Variants in NEGR1 observed in about 807,000 individuals in gnomAD.
The protein encoded by NEGR1 is IgLON family member 4.
In NEGR1, 10 loss-of-function variants were observed where a neutral mutation model predicts 40.9. That is an observed-to-expected ratio of 0.24 (90% confidence interval 0.15 to 0.42). NEGR1 has a LOEUF of 0.42. NEGR1 is among the 10% of genes least tolerant of loss of function. The pLI is 1.00. For missense variants in NEGR1, 352 were observed against 438.9 expected (o/e 0.80, Z 1.77); for synonymous variants, 185 against 166.8 (o/e 1.11, Z -0.84).
At chr1:71,606,980 A>G (rs1482031252) in intron 5 of NEGR1, among the ~76,000 whole-genome samples, 1 of 152,178 alleles carries the variant, frequency 6.6e-6, no homozygotes, top group Non-Finnish European at 1.5e-5. Flanking sequence ...GCTGGCTTTG[A>G]AGATCTTGAT....
At chr1:72,183,368 C>T (rs1023106374) in intron 1 of NEGR1, among the ~76,000 whole-genome samples, 1 of 152,080 alleles carries the variant, frequency 6.6e-6, no homozygotes, top group African/African-American at 2.4e-5. Context: ...AACTTCCTAT[C>T]AGCCAGGCAA....
chr1:71,537,381 C>T (rs927745006), intron 6 of NEGR1, among the ~76,000 whole-genome samples: 6 of 151,602 alleles, frequency 4.0e-5, no homozygotes, highest in African/African-American at 1.2e-4. Context: ...GGGGACATTC[C>T]TATGCAAGGG....
chr1:71,859,138 C>T (rs1483336689), intron 2 of NEGR1, among the ~76,000 whole-genome samples: 1 of 152,070 alleles, frequency 6.6e-6, no homozygotes, highest in African/African-American at 2.4e-5. Flanking sequence ...GCCTGCAAGG[C>T]CCTGTATGAC....
chr1:71,867,604 T>G (rs1660156340), intron 2 of NEGR1, among the ~76,000 whole-genome samples: 1 of 152,210 alleles, frequency 6.6e-6, no homozygotes, highest in South Asian at 2.1e-4. Flanking sequence ...CAACTAAGAC[T>G]GTTATGATTA....
At chr1:71,745,761 C>T (rs1027147334) in intron 3 of NEGR1, among the ~76,000 whole-genome samples, 10 of 152,206 alleles carry the variant, frequency 6.6e-5, no homozygotes, top group Admixed American at 2.6e-4. Context: ...CTAGCCTGGG[C>T]GACAGAGCAA....
chr1:71,791,890 T>C (rs933227802), intron 2 of NEGR1, among the ~76,000 whole-genome samples: 2 of 152,002 alleles, frequency 1.3e-5, no homozygotes, highest in Admixed American at 6.6e-5. Flanking sequence ...ATGGAACAAA[T>C]TTGGACTTGG....
chr1:71,747,084 TA>T (rs1179295794), intron 3 of NEGR1, among the ~76,000 whole-genome samples: 1 of 152,210 alleles, frequency 6.6e-6, no homozygotes, highest in East Asian at 1.9e-4. Context: ...GAGGCTATCT[TA>T]CTTATGACTA....
At chr1:71,413,342 C>G (rs1160022928) in intron 6 of NEGR1, among the ~76,000 whole-genome samples, 1 of 152,154 alleles carries the variant, frequency 6.6e-6, no homozygotes, top group East Asian at 1.9e-4. Context: ...AGAAATGGTT[C>G]CTGTTCCCAC....
intron 2 of NEGR1, among the ~76,000 whole-genome samples, chr1:71,881,344 T>C (rs1203216319): frequency 6.6e-6 from 1 of 152,102 alleles, no homozygotes. Context: ...GATAGGTTTT[T>C]CCTTATGTAC....
intron 6 of NEGR1, among the ~76,000 whole-genome samples, chr1:71,456,891 G>T (rs1032735324): frequency 1.3e-5 from 2 of 152,308 alleles, no homozygotes; most frequent in East Asian, 3.9e-4. Flanking sequence ...TTTGAGTCCA[G>T]TTGGGTGAAA....
intron 6 of NEGR1, among the ~76,000 whole-genome samples, chr1:71,520,729 A>G (rs993078129): frequency 1.3e-5 from 2 of 152,052 alleles, no homozygotes; most frequent in African/African-American, 4.8e-5. Flanking sequence ...CTTGTGTAAA[A>G]GCATGTAAAA....
chr1:71,691,899 G>T (rs1653296368), intron 4 of NEGR1, among the ~76,000 whole-genome samples: 1 of 148,600 alleles, frequency 6.7e-6, no homozygotes, highest in Non-Finnish European at 1.5e-5. Flanking sequence ...TTAGAAATCT[G>T]TTGAATTCAA....
rs781390775 is a variant in NEGR1 at position 71,636,827 on chromosome 1, C to T, written c.668-25681G>A. 1.8e-4 allele frequency among the ~76,000 whole-genome samples: 28 copies of T among 151,876 alleles called. 1 individual carries two copies. Among genetic ancestry groups the T allele is most frequent in the South Asian group, 6.2e-4 (3 of 4,828 alleles). ...CTTAGCAACAAGCTAGATAGTGGTTCGAAATGTTCTTGGAGGTCCTTAGAG... is the reference window on the plus strand; with the variant it reads ...CTTAGCAACAAGCTAGATAGTGGTTTGAAATGTTCTTGGAGGTCCTTAGAG... On this transcript the variant is annotated intron_variant, in intron 4 of 6. Coordinates refer to ENST00000357731, the MANE Select transcript of NEGR1 (RefSeq NM_173808.3).
intron 2 of NEGR1, among the ~76,000 whole-genome samples, chr1:71,779,566 CTTT>C (rs59637200): frequency 1.3e-5 from 2 of 149,854 alleles, no homozygotes; most frequent in African/African-American, 4.9e-5. Flanking sequence ...TAGATAAAAA[CTTT>C]TTTTTTTTCT....
rs116119726 is a variant in NEGR1, at chr1:71,975,679, T to C, written c.177-40368A>G. Among the ~76,000 whole-genome samples, 432 of 152,318 alleles carry C rather than the reference T, an allele frequency of 2.8e-3. 1 individual carries two copies. The highest frequency in any genetic ancestry group is 5.4e-3 in the Non-Finnish European group (368 of 68,018). On this transcript the variant is annotated intron_variant, in intron 1 of 6. Transcript: ENST00000357731. ...AAAATATGCCTGACTCTGCATCCCATACCCTCTTCACTGTACTGAGCTGAG... is the reference window on the plus strand; with the variant it reads ...AAAATATGCCTGACTCTGCATCCCACACCCTCTTCACTGTACTGAGCTGAG...
chr1:72,007,062 A>T (rs1448007498), intron 1 of NEGR1, among the ~76,000 whole-genome samples: 2 of 152,142 alleles, frequency 1.3e-5, no homozygotes, highest in Non-Finnish European at 2.9e-5. Context: ...TTTTCATCTA[A>T]AATAAATAAT....
intron 1 of NEGR1, among the ~76,000 whole-genome samples, chr1:72,220,739 G>C (rs1239645674): frequency 6.6e-6 from 1 of 151,948 alleles, no homozygotes; most frequent in Non-Finnish European, 1.5e-5. Context: ...CTTTGTAGGA[G>C]CTAGTTTGGA....
intron 5 of NEGR1, among the ~76,000 whole-genome samples, chr1:71,600,880 ACT>A (rs1194438002): frequency 6.6e-6 from 1 of 152,108 alleles, no homozygotes; most frequent in Non-Finnish European, 1.5e-5. Flanking sequence ...TTATGGGTAG[ACT>A]CTGTGTGTGC....
intron 1 of NEGR1, 109 bp from the exon 2 acceptor site, chr1:71,935,420 T>C (rs1321094633): frequency 1.4e-6 from 1 of 707,322 alleles, no homozygotes; most frequent in African/African-American, 1.8e-5. Context: ...CAGCATCAAA[T>C]GCAAACATCA....
Sources: allele counts gnomAD v4.1 joint callset (sites outside exome capture counted in the v4.1 genomes callset), GRCh38; gene constraint gnomAD v4.1.1; transcripts MANE v1.5; gene names NCBI Gene and HGNC (gene_info 2026-07-23, HGNC 2026-07-21).